Variants in WWOX observed in about 807,000 individuals in gnomAD.
WWOX encodes WW domain containing oxidoreductase.
In WWOX, 69 loss-of-function variants were observed where a neutral mutation model predicts 46.2. The ratio of observed to expected loss-of-function variants is 1.49; its 90% CI spans 1.23 to 1.82. WWOX has a LOEUF of 1.82. Among genes scored for constraint, WWOX ranks in the 40% most tolerant of loss-of-function variants. WWOX has a pLI of 0.00. For missense variants in WWOX, 919 were observed against 542.6 expected (o/e 1.69, Z -6.89); for synonymous variants, 359 against 202.6 (o/e 1.77, Z -6.56).
chr16:79,096,550 C>A (rs555415854), intron 8 of WWOX, among the ~76,000 whole-genome samples: 3 of 152,172 alleles, frequency 2.0e-5, no homozygotes, highest in Admixed American at 6.5e-5. Context: ...TCGGAGGAAG[C>A]CTTCTCTAGA....
At chr16:78,773,510 T>G (rs554415555) in intron 8 of WWOX, among the ~76,000 whole-genome samples, 2 of 152,212 alleles carry the variant, frequency 1.3e-5, no homozygotes, top group South Asian at 4.1e-4. Flanking sequence ...TTAGCTGAAG[T>G]TGGAGGATGC....
chr16:78,357,788 A>G (rs1288563793), intron 5 of WWOX, among the ~76,000 whole-genome samples: 1 of 152,164 alleles, frequency 6.6e-6, no homozygotes, highest in Non-Finnish European at 1.5e-5. Flanking sequence ...GGTATGTGTA[A>G]TTATTCCCAT....
intron 8 of WWOX, among the ~76,000 whole-genome samples, chr16:78,697,408 C>G (rs1478833381): frequency 6.6e-6 from 1 of 152,114 alleles, no homozygotes; most frequent in Non-Finnish European, 1.5e-5. Context: ...ATAGGTGGGA[C>G]TTAATTAAAC....
At chr16:78,667,355 G>T (rs118158525) in intron 8 of WWOX, among the ~76,000 whole-genome samples, 1 of 151,980 alleles carries the variant, frequency 6.6e-6, no homozygotes, top group East Asian at 1.9e-4. Context: ...CTACTTTTTT[G>T]CATCCTACTT....
intron 8 of WWOX, among the ~76,000 whole-genome samples, chr16:78,715,315 C>G (rs1284570481): frequency 6.6e-6 from 1 of 152,130 alleles, no homozygotes; most frequent in East Asian, 1.9e-4. Context: ...GTCCAGCCGG[C>G]TCAGCAACTG....
At chr16:78,565,488 G>A (rs1036271034) in intron 8 of WWOX, among the ~76,000 whole-genome samples, 1 of 152,084 alleles carries the variant, frequency 6.6e-6, no homozygotes, top group African/African-American at 2.4e-5. Context: ...CTCTTCCGTT[G>A]TCCCATCACA....
At chr16:79,058,127 A>G (rs1280696203) in intron 8 of WWOX, among the ~76,000 whole-genome samples, 1 of 74,742 alleles carries the variant, frequency 1.3e-5, no homozygotes, top group Non-Finnish European at 2.4e-5. Flanking sequence ...AAAACAAACA[A>G]ACAAAAAAAA....
intron 5 of WWOX, among the ~76,000 whole-genome samples, chr16:78,228,422 G>T (rs1370300467): frequency 6.9e-6 from 1 of 144,412 alleles, no homozygotes; most frequent in African/African-American, 2.6e-5. Context: ...GCTCACTGCA[G>T]CCTTGACCTC....
intron 8 of WWOX, among the ~76,000 whole-genome samples, chr16:78,582,430 T>A (rs2045082885): frequency 6.6e-6 from 1 of 152,188 alleles, no homozygotes; most frequent in Admixed American, 6.5e-5. Flanking sequence ...AGAGATTTAG[T>A]TTTTCAAAAA....
At chr16:78,952,446 G>A (rs1037484621) in intron 8 of WWOX, among the ~76,000 whole-genome samples, 2 of 150,048 alleles carry the variant, frequency 1.3e-5, no homozygotes, top group South Asian at 2.1e-4. Flanking sequence ...ACAGTGGCAC[G>A]ATCTTAGCTC....
chr16:79,022,744 C>G (rs538396051), intron 8 of WWOX, among the ~76,000 whole-genome samples: 2 of 152,300 alleles, frequency 1.3e-5, no homozygotes, highest in East Asian at 1.9e-4. Context: ...AGTGGCCCCC[C>G]ACCAAGCCCG....
chr16:78,289,434 GA>G (rs926758600), intron 5 of WWOX, among the ~76,000 whole-genome samples: 12 of 151,972 alleles, frequency 7.9e-5, no homozygotes, highest in East Asian at 1.9e-4. Context: ...AAAAAAAGGG[GA>G]AAAAAAGATT....
chr16:78,198,412 A>T (rs1003199733), intron 5 of WWOX, among the ~76,000 whole-genome samples: 1 of 152,188 alleles, frequency 6.6e-6, no homozygotes, highest in Non-Finnish European at 1.5e-5. Flanking sequence ...GAGACAAACC[A>T]TAGCAAGCAA....
chr16:78,171,392 TC>T (rs1249193589), intron 5 of WWOX, among the ~76,000 whole-genome samples: 1 of 152,162 alleles, frequency 6.6e-6, no homozygotes, highest in Non-Finnish European at 1.5e-5. Flanking sequence ...CCATGCAATC[TC>T]CTTTGACACT....
intron 8 of WWOX, among the ~76,000 whole-genome samples, chr16:78,598,841 C>G (rs768894510): frequency 1.3e-5 from 2 of 152,126 alleles, no homozygotes; most frequent in African/African-American, 2.4e-5. Context: ...CCCCTTCATA[C>G]AAATAGATAG....
At chr16:78,941,141 C>G (rs767956725) in intron 8 of WWOX, among the ~76,000 whole-genome samples, 1 of 152,126 alleles carries the variant, frequency 6.6e-6, no homozygotes, top group Non-Finnish European at 1.5e-5. Flanking sequence ...GTTAGATTAA[C>G]AAGCAGATAT....
chr16:78,141,892 A>G (rs983859816), intron 4 of WWOX, among the ~76,000 whole-genome samples: 3 of 152,140 alleles, frequency 2.0e-5, no homozygotes, highest in African/African-American at 7.2e-5. Context: ...ACAGCCTGTC[A>G]TAGTTGAATC....
At chr16:78,599,636 A>G (rs955181839) in intron 8 of WWOX, among the ~76,000 whole-genome samples, 18 of 152,280 alleles carry the variant, frequency 1.2e-4, no homozygotes, top group African/African-American at 2.6e-4. Flanking sequence ...CTGCCAATCA[A>G]CATTTGCTCC....
chr16:78,984,401 G>C (rs376828216), intron 8 of WWOX, among the ~76,000 whole-genome samples: 1 of 152,126 alleles, frequency 6.6e-6, no homozygotes, highest in Non-Finnish European at 1.5e-5. Context: ...TACTTTGTGG[G>C]TCATATAGTC....
Sources: gnomAD v4.1 joint callset for allele counts (sites outside exome capture counted in the v4.1 genomes callset) on GRCh38, gnomAD v4.1.1 for gene constraint, MANE v1.5 for transcripts, NCBI Gene and HGNC (gene_info 2026-07-23, HGNC 2026-07-21) for gene names.